RUNDC1: variants seen among roughly 807,000 people sequenced by gnomAD.
The protein encoded by RUNDC1 is RUN domain-containing protein 1.
In RUNDC1, 31 loss-of-function variants were observed where a neutral mutation model predicts 49.3. The observed-to-expected ratio is 0.63, with a 90% CI of 0.47 to 0.85. The LOEUF is 0.85. Among genes scored for constraint, RUNDC1 ranks in the 40% least tolerant of loss-of-function variants. RUNDC1 has a pLI of 0.00. For missense variants in RUNDC1, 715 were observed against 806.7 expected, an observed-to-expected ratio of 0.89 and a Z score of 1.38; for synonymous variants, 347 against 348.6, an observed-to-expected ratio of 1.00 and a Z score of 0.05.
chr17:42,988,789 A>G (rs323498), intron 2 of RUNDC1, among the ~76,000 whole-genome samples: 149,317 of 152,132 alleles, frequency 0.98, 73,341 homozygotes, highest in Middle Eastern at 1. Context: ...GGCCAGCCTG[A>G]GCAACATAAC....
intron 1 of RUNDC1, chr17:42,982,011 A>T (rs1241545654): frequency 1.6e-3 from 2 of 1,216 alleles, no homozygotes; most frequent in African/African-American, 2.9e-3. Flanking sequence ...TTTGAGACAG[A>T]GTCTCACTCT....
rs1455976794 is a variant in RUNDC1, at chr17:42,980,926, C to A, written c.350C>A (p.Ala117Glu). The A allele has an allele frequency of 6.5e-7, 1 of 1,532,698 alleles. No individual in the cohort carries two copies. The highest frequency in any genetic ancestry group is 8.7e-7 in the Non-Finnish European group (1 of 1,146,128). 94.9% of individuals were successfully genotyped at this position (1,532,698 alleles called of 1,614,324 possible). ...RLRQVVRGAP[A>E]EQQRLLRELE... ...CGCCAGGTGGTGCGCGGGGCGCCGG[C>A]GGAGCAGCAGCGCCTTCTGCGGGAG... is the stretch of plus-strand genomic sequence containing the variant. Residue 117 changes from alanine (A) to glutamate (E), a missense_variant, in exon 1 of 5, where the codon GCG (alanine) becomes GAG (glutamate). Ala to Glu is a moderately radical substitution (Grantham distance 107). Transcript: ENST00000361677.
At chr17:42,990,482 A>G (rs1389466165) in intron 4 of RUNDC1, 46 bp downstream of exon 4, 3 of 1,594,504 alleles carry the variant, frequency 1.9e-6, no homozygotes, top group Admixed American at 3.4e-5. Flanking sequence ...GACAGAAAGT[A>G]GATGAGTGGT....
intron 1 of RUNDC1, chr17:42,985,723 C>A: frequency 2.0e-6 from 2 of 981,894 alleles, no homozygotes; most frequent in Non-Finnish European, 2.4e-6. Context: ...AGCCTTGCCC[C>A]TACAAATGAT....
rs529769001 is a variant in RUNDC1 at position 42,993,555 on chromosome 17, T to G, written c.*1839T>G. On this transcript the variant is annotated 3_prime_UTR_variant, in exon 5 of 5. Transcript: ENST00000361677. ...AATTGTAAAATGTTGTGGAAAATGA[T>G]ACATATGTGGATGCTAATGAAATCA... is the stretch of plus-strand genomic sequence containing the variant. 5.9e-5 allele frequency: 9 copies of G among 152,372 alleles called. No individual in the cohort carries two copies. In the East Asian group the frequency reaches 1.2e-3, roughly 20 times the overall value. The allele number at this position is 152,372 out of a possible 1,614,324, so 9.4% of individuals were successfully genotyped here. A position where few individuals can be genotyped will look rare whatever the true frequency, so the allele number is the denominator to read the frequency against.
intron 1 of RUNDC1, 34 bp downstream of exon 1, chr17:42,981,108 G>A: frequency 4.6e-6 from 7 of 1,536,528 alleles, no homozygotes; most frequent in Non-Finnish European, 5.2e-6. Context: ...GAGGAATATG[G>A]GAATAGTGGG....
rs1472426223 is a variant in RUNDC1, at chr17:42,991,579, T to C, written c.1705T>C (p.Tyr569His). The C allele has an allele frequency of 3.7e-6, 6 of 1,614,038 alleles. No homozygotes were observed. Among genetic ancestry groups the C allele is most frequent in the Non-Finnish European group, 5.1e-6 (6 of 1,180,028 alleles). ...GTCCGGGTCACTCATCGAGCCTCACTACCAGCCCTGGAGCTACATGGCACA... is the reference window on the plus strand; with the variant it reads ...GTCCGGGTCACTCATCGAGCCTCACCACCAGCCCTGGAGCTACATGGCACA... Reference protein sequence around the residue: ...CKSGSLIEPHYQPWSYMAHTG... With the variant: ...CKSGSLIEPHHQPWSYMAHTG... The change falls in exon 5 of 5, where the codon TAC becomes CAC. Residue 569 changes from tyrosine to histidine, a missense_variant. By Grantham distance (83) the Tyr-to-His change is moderately conservative. Transcript: ENST00000361677.
At chr17:42,981,146 A>T in intron 1 of RUNDC1, 72 bp downstream of exon 1, 2 of 1,464,528 alleles carry the variant, frequency 1.4e-6, no homozygotes, top group Non-Finnish European at 1.8e-6. Context: ...CCAGACCCGG[A>T]TGATGGTGCA....
Position 42,980,884 on chromosome 17 carries a change from A to T in RUNDC1, c.308A>T (p.Gln103Leu). ...ALLALSSHFA[Q>L]VQFRLRQVVR... The stretch of plus-strand genomic sequence containing the variant: ...CTGGCGCTGTCCTCGCACTTCGCGC[A>T]GGTGCAGTTCCGCCTGCGCCAGGTG... Residue 103 changes from glutamine to leucine, a missense_variant, in exon 1 of 5, where the codon CAG becomes CTG. This residue lies in a region of RUNDC1 where 9 missense variants were observed against 26.3 expected (regional missense o/e 0.34). Transcript: ENST00000361677. 1 of 1,506,098 alleles carries T rather than the reference A, an allele frequency of 6.6e-7. No homozygotes were observed. Among genetic ancestry groups the T allele is most frequent in the Non-Finnish European group, 8.8e-7 (1 of 1,134,034 alleles). The allele number at this position is 1,506,098 out of a possible 1,614,324, so 93.3% of individuals were successfully genotyped here.
chr17:42,983,626 G>A, intron 1 of RUNDC1, among the ~76,000 whole-genome samples: 1 of 150,474 alleles, frequency 6.6e-6, no homozygotes, highest in Non-Finnish European at 1.5e-5. Flanking sequence ...ACCCACCTTG[G>A]CCACCCAAAG....
intron 4 of RUNDC1, among the ~76,000 whole-genome samples, 169 bp downstream of exon 4, chr17:42,990,605 C>T (rs1407095248): frequency 6.6e-6 from 1 of 152,156 alleles, no homozygotes; most frequent in African/African-American, 2.4e-5. Context: ...GACAGTTATA[C>T]AATTCTGAAT....
rs1265413749 is a variant in RUNDC1 at position 42,994,926 on chromosome 17, A to G, written c.*3210A>G. ...GCAGTGGAAATGTAGGGTGTGTTGTACAAGTATGATCTGCAAAGTATTGTT... is the reference window on the plus strand; with the variant it reads ...GCAGTGGAAATGTAGGGTGTGTTGTGCAAGTATGATCTGCAAAGTATTGTT... On this transcript the variant is annotated 3_prime_UTR_variant, in exon 5 of 5. Coordinates refer to ENST00000361677, the MANE Select transcript of RUNDC1 (RefSeq NM_173079.5). 6.7e-6 allele frequency among the ~76,000 whole-genome samples: 1 copy of G among 149,534 alleles called. No homozygotes were observed. Among genetic ancestry groups the G allele is most frequent in the Non-Finnish European group, 1.5e-5 (1 of 67,310 alleles).
Position 42,994,070 on chromosome 17 carries a change from C to A in RUNDC1, c.*2354C>A, listed in dbSNP as rs1374863213. Among the ~76,000 whole-genome samples, 4 of 152,172 alleles carry A rather than the reference C, an allele frequency of 2.6e-5. No homozygotes were observed. The highest frequency in any genetic ancestry group is 7.2e-5 in the African/African-American group (3 of 41,428). ...AGAGGGTTTCACCACATTTGTCAGG[C>A]TAGTCTCGAACTCCTGACCTCAGGT... On this transcript the variant is annotated 3_prime_UTR_variant, in exon 5 of 5. Transcript: ENST00000361677.
At chr17:42,986,540 A>C (rs1225583723) in intron 1 of RUNDC1, among the ~76,000 whole-genome samples, 1 of 151,502 alleles carries the variant, frequency 6.6e-6, no homozygotes, top group Non-Finnish European at 1.5e-5. Flanking sequence ...CTCTGTCACC[A>C]AGGCTGGAGT....
chr17:42,987,087 G>A (rs1308768333), intron 1 of RUNDC1, among the ~76,000 whole-genome samples, 169 bp from the exon 2 acceptor site: 2 of 152,150 alleles, frequency 1.3e-5, no homozygotes, highest in Admixed American at 6.5e-5. Flanking sequence ...AATTGCCTAG[G>A]ATGAAATAAT....
chr17:42,988,519 C>T (rs953131191), intron 2 of RUNDC1, among the ~76,000 whole-genome samples: 1 of 152,082 alleles, frequency 6.6e-6, no homozygotes, highest in Non-Finnish European at 1.5e-5. Context: ...TCCCGAAGTG[C>T]TGGGGTTACA....
At position 42,991,405 on chromosome 17, in the gene RUNDC1, AC is replaced by A. The variant is rs1489721749; in HGVS notation, c.1536del (p.Lys513AsnfsTer5). 2 of 1,613,974 alleles carry A rather than the reference AC, an allele frequency of 1.2e-6. No individual in the cohort carries two copies. The highest frequency in any genetic ancestry group is 1.7e-6 in the Non-Finnish European group (2 of 1,179,982). On this transcript the variant is annotated frameshift_variant, in exon 5 of 5. Transcript: ENST00000361677. LOFTEE classifies it high-confidence loss of function. ...ALPVTGGTVVTPKQSLLTAIH... is the reference protein window; with the variant it reads ...ALPVTGGTVVXPKQSLLTAIH... The stretch of plus-strand genomic sequence containing the variant: ...TCCTGTTACGGGAGGCACTGTTGTC[AC>A]CCCCAAACAGAGCCTACTGACAGCC...
Position 42,980,949 on chromosome 17 carries a change from G to C in RUNDC1, c.373G>C (p.Glu125Gln), listed in dbSNP as rs1302653478. 1 of 1,540,668 alleles carries C rather than the reference G, an allele frequency of 6.5e-7. No homozygotes were observed. Among genetic ancestry groups the C allele is most frequent in the African/African-American group, 1.4e-5 (1 of 73,060 alleles). ...GGCGGAGCAGCAGCGCCTTCTGCGG[G>C]AGCTCGAAGACTTCGCCTTCCGCGG... is the stretch of plus-strand genomic sequence containing the variant. ...APAEQQRLLR[E>Q]LEDFAFRGCP... Residue 125 changes from glutamate (E) to glutamine (Q), a missense_variant, in exon 1 of 5, where the codon GAG becomes CAG. Coordinates refer to ENST00000361677, the MANE Select transcript of RUNDC1 (RefSeq NM_173079.5).
In RUNDC1 at chr17:42,989,450, T is replaced by C. The variant is rs1243950057; in HGVS notation, c.767T>C (p.Ile256Thr). 1 of 1,614,006 alleles carries C rather than the reference T, an allele frequency of 6.2e-7. No homozygotes were observed. Among genetic ancestry groups the C allele is most frequent in the Non-Finnish European group, 8.5e-7 (1 of 1,180,034 alleles). The change falls in exon 3 of 5, where the codon ATC becomes ACC. Residue 256 changes from isoleucine (I) to threonine (T), a missense_variant. This residue lies in a region of RUNDC1 where 425 missense variants were observed against 499.7 expected (regional missense o/e 0.85). Coordinates refer to ENST00000361677, the MANE Select transcript of RUNDC1 (RefSeq NM_173079.5). ...CGTGTAGATGCAGCAGTGGCTCAGA[T>C]CGTCAACCCAGCCCGAGTCAAAGAA... ...RQRVDAAVAQ[I>T]VNPARVKEQL... is the part of the protein sequence containing the mutation.
Sources: gnomAD v4.1 joint callset for allele counts (sites outside exome capture counted in the v4.1 genomes callset) on GRCh38, gnomAD v4.1.1 for gene constraint, gnomAD v4.1.1 regional missense constraint, MANE v1.5 for transcripts, NCBI Gene and HGNC (gene_info 2026-07-23, HGNC 2026-07-21) for gene names.